The following ANKS1B variants were observed in gnomAD, a reference collection of about 807,000 sequenced individuals.
ANKS1B encodes the protein ankyrin repeat and sterile alpha motif domain-containing protein 1B.
ANKS1B carries 36 observed loss-of-function variants against 148.3 expected under a neutral mutation model. That is an observed-to-expected ratio of 0.24 (90% CI 0.19 to 0.32). ANKS1B has a LOEUF of 0.32. Among genes scored for constraint, ANKS1B ranks in the 10% least tolerant of loss-of-function variants. The probability of loss-of-function intolerance (pLI) is 1.00; values close to 1 mark genes in which losing one functional copy is unlikely to be tolerated. For synonymous variants in ANKS1B, 542 were observed against 560.8 expected (o/e 0.97, Z 0.47); for missense variants, 1,157 against 1,542.6 (o/e 0.75, Z 4.19).
intron 16 of ANKS1B, among the ~76,000 whole-genome samples, chr12:99,074,933 G>C (rs2047368620): frequency 6.6e-6 from 1 of 152,146 alleles, no homozygotes; most frequent in Admixed American, 6.5e-5. Flanking sequence ...AGACAAATTA[G>C]TCAACAGGTG....
At chr12:99,306,366 T>C (rs1358254430) in intron 12 of ANKS1B, among the ~76,000 whole-genome samples, 3 of 152,016 alleles carry the variant, frequency 2.0e-5, no homozygotes, top group African/African-American at 7.2e-5. Context: ...TAGCAAAGAC[T>C]TTACTAGGCA....
chr12:99,640,324 C>T (rs1002102155), intron 9 of ANKS1B, among the ~76,000 whole-genome samples: 22 of 152,076 alleles, frequency 1.4e-4, no homozygotes, highest in African/African-American at 5.1e-4. Flanking sequence ...TCAAAAATAC[C>T]TAAAATGATG....
chr12:99,297,512 C>A (rs1172959869), intron 12 of ANKS1B, among the ~76,000 whole-genome samples: 1 of 152,182 alleles, frequency 6.6e-6, no homozygotes, highest in African/African-American at 2.4e-5. Flanking sequence ...ATGTTAGGAA[C>A]TGTGCTAGGC....
chr12:99,374,035 C>T (rs370897567), intron 12 of ANKS1B, among the ~76,000 whole-genome samples: 4 of 152,318 alleles, frequency 2.6e-5, no homozygotes. Context: ...CACCATGCTG[C>T]CAGTTCCTTA....
In ANKS1B at chr12:99,039,892, C is replaced by T. The variant is rs527468516; in HGVS notation, c.2778+13265G>A. ...TGCCCTTCTAGGTGAAGTTATACAT[C>T]AGCTGATGATCAGATCAGACTAGTT... is the stretch of plus-strand genomic sequence containing the variant. On this transcript the variant is annotated intron_variant, in intron 17 of 26. Coordinates refer to ENST00000683438, the MANE Select transcript of ANKS1B (RefSeq NM_001352186.2). 2.0e-5 allele frequency among the ~76,000 whole-genome samples: 3 copies of T among 152,300 alleles called. No homozygotes were observed. The East Asian group carries it at 5.8e-4, about 29-fold the overall frequency.
At chr12:99,580,502 G>A (rs892958756) in intron 9 of ANKS1B, among the ~76,000 whole-genome samples, 1 of 152,106 alleles carries the variant, frequency 6.6e-6, no homozygotes, top group African/African-American at 2.4e-5. Context: ...GCCAGGCATA[G>A]AAAGACAAAT....
chr12:98,760,615 G>T (rs927292704), intron 25 of ANKS1B, among the ~76,000 whole-genome samples: 4 of 152,170 alleles, frequency 2.6e-5, no homozygotes, highest in African/African-American at 9.6e-5. Flanking sequence ...TATGTGCCAG[G>T]AAGCTGCCCA....
At chr12:98,956,704 T>G (rs527685501) in intron 17 of ANKS1B, among the ~76,000 whole-genome samples, 3 of 152,304 alleles carry the variant, frequency 2.0e-5, no homozygotes, top group Admixed American at 6.5e-5. Flanking sequence ...TGAAAAAGCC[T>G]GAAATAAACC....
chr12:99,940,516 C>T (rs2094893464), intron 1 of ANKS1B, among the ~76,000 whole-genome samples: 1 of 152,066 alleles, frequency 6.6e-6, no homozygotes, highest in Non-Finnish European at 1.5e-5. Flanking sequence ...GATTCACATC[C>T]TGGTCTCTCC....
chr12:99,931,449 T>C (rs2094612558), intron 1 of ANKS1B, among the ~76,000 whole-genome samples: 2 of 152,234 alleles, frequency 1.3e-5, no homozygotes, highest in African/African-American at 4.8e-5. Flanking sequence ...TACGCAGTTC[T>C]AACCCAGGAA....
intron 9 of ANKS1B, among the ~76,000 whole-genome samples, chr12:99,568,025 T>C (rs950719908): frequency 6.6e-6 from 1 of 152,160 alleles, no homozygotes; most frequent in Non-Finnish European, 1.5e-5. Context: ...AGTGGTTAAA[T>C]GAGATTACAG....
chr12:99,489,501 C>T (rs1242016113), intron 10 of ANKS1B, among the ~76,000 whole-genome samples: 1 of 152,046 alleles, frequency 6.6e-6, no homozygotes, highest in Admixed American at 6.6e-5. Flanking sequence ...ATATTAGTAG[C>T]TATGCTAAAA....
chr12:98,906,849 A>AT (rs926961507), intron 17 of ANKS1B, among the ~76,000 whole-genome samples: 1 of 151,986 alleles, frequency 6.6e-6, no homozygotes, highest in Non-Finnish European at 1.5e-5. Flanking sequence ...TTTTGTTTTT[A>AT]TTTTTTTCCA....
At chr12:99,884,902 TA>T (rs1347801504) in intron 1 of ANKS1B, among the ~76,000 whole-genome samples, 1 of 151,918 alleles carries the variant, frequency 6.6e-6, no homozygotes, top group Non-Finnish European at 1.5e-5. Context: ...TTAACGTTTT[TA>T]AATTTTAAAA....
chr12:99,539,461 T>C (rs939071647), intron 9 of ANKS1B, among the ~76,000 whole-genome samples: 1 of 152,010 alleles, frequency 6.6e-6, no homozygotes, highest in Non-Finnish European at 1.5e-5. Flanking sequence ...TTATAACCTC[T>C]AGAATACCAA....
intron 17 of ANKS1B, among the ~76,000 whole-genome samples, chr12:98,959,094 T>A (rs919353791): frequency 3.9e-5 from 6 of 152,220 alleles, no homozygotes; most frequent in African/African-American, 1.4e-4. Context: ...TAAATTGGAT[T>A]CCTATTGATC....
At chr12:99,693,166 A>G (rs1278368285) in intron 8 of ANKS1B, among the ~76,000 whole-genome samples, 1 of 152,226 alleles carries the variant, frequency 6.6e-6, no homozygotes, top group Admixed American at 6.5e-5. Flanking sequence ...AAACAAACAG[A>G]AGAATGTATT....
chr12:99,094,366 T>C (rs2055172316), intron 15 of ANKS1B, among the ~76,000 whole-genome samples: 1 of 152,222 alleles, frequency 6.6e-6, no homozygotes. Flanking sequence ...GTATATACAA[T>C]TATTATCCTT....
At chr12:99,589,570 C>T (rs1466143032) in intron 9 of ANKS1B, among the ~76,000 whole-genome samples, 2 of 152,088 alleles carry the variant, frequency 1.3e-5, no homozygotes, top group Non-Finnish European at 2.9e-5. Context: ...TGAAGTATAA[C>T]TTAACTTTCT....
Sources: allele counts gnomAD v4.1 joint callset (sites outside exome capture counted in the v4.1 genomes callset), GRCh38; gene constraint gnomAD v4.1.1; transcripts MANE v1.5; gene names NCBI Gene and HGNC (gene_info 2026-07-23, HGNC 2026-07-21).